Variants in PTPRD observed in about 807,000 individuals in gnomAD.
PTPRD encodes the protein receptor-type tyrosine-protein phosphatase delta.
Under a neutral mutation model 214.5 loss-of-function variants are expected in PTPRD, and 34 were observed. The observed-to-expected ratio is 0.16, with a 90% CI of 0.12 to 0.21. PTPRD has a LOEUF of 0.21. PTPRD is among the 10% of genes least tolerant of loss of function. PTPRD has a pLI of 1.00. For missense variants in PTPRD, 2,545 were observed against 2,398.7 expected, an observed-to-expected ratio of 1.06 and a Z score of -1.27; for synonymous variants, 1,128 against 845.7, an observed-to-expected ratio of 1.33 and a Z score of -5.79.
chr9:10,504,031 G>C (rs940785878), intron 2 of PTPRD, among the ~76,000 whole-genome samples: 11 of 144,650 alleles, frequency 7.6e-5, no homozygotes, highest in Admixed American at 5.9e-4. Context: ...CAGGAGAATG[G>C]CGTGAACCCG....
chr9:8,446,096 T>C (rs531904140), intron 34 of PTPRD, among the ~76,000 whole-genome samples: 97 of 152,306 alleles, frequency 6.4e-4, no homozygotes, highest in African/African-American at 2.2e-3. Flanking sequence ...ACAAGGATGG[T>C]TATACTGACA....
At chr9:9,700,600 C>T (rs1417122143) in intron 7 of PTPRD, among the ~76,000 whole-genome samples, 1 of 151,846 alleles carries the variant, frequency 6.6e-6, no homozygotes, top group Admixed American at 6.6e-5. Flanking sequence ...AATGATAAAG[C>T]AAATGAAAGA....
intron 7 of PTPRD, among the ~76,000 whole-genome samples, chr9:9,709,398 G>A (rs2097685440): frequency 6.6e-6 from 1 of 151,744 alleles, no homozygotes; most frequent in South Asian, 2.1e-4. Flanking sequence ...CTTTTGCTGT[G>A]GTAAAGACAT....
At chr9:9,204,380 A>G (rs1213637831) in intron 9 of PTPRD, among the ~76,000 whole-genome samples, 2 of 152,190 alleles carry the variant, frequency 1.3e-5, no homozygotes, top group African/African-American at 4.8e-5. Context: ...AATCAAGTTC[A>G]TAAATTAATG....
intron 11 of PTPRD, among the ~76,000 whole-genome samples, chr9:8,774,527 CTTTTTT>C (rs564318443): frequency 9.9e-4 from 104 of 105,214 alleles, no homozygotes; most frequent in South Asian, 1.7e-3. Context: ...TGAAAAGTAA[CTTTTTT>C]TTTTTTTTTT....
At chr9:10,531,698 T>C (rs2056393823) in intron 2 of PTPRD, among the ~76,000 whole-genome samples, 1 of 152,194 alleles carries the variant, frequency 6.6e-6, no homozygotes, top group Non-Finnish European at 1.5e-5. Context: ...TGTGTCTTTC[T>C]ACATGCCATG....
At chr9:9,953,408 A>G (rs1240922542) in intron 4 of PTPRD, among the ~76,000 whole-genome samples, 2 of 152,082 alleles carry the variant, frequency 1.3e-5, no homozygotes, top group South Asian at 2.1e-4. Flanking sequence ...TCAACACTAT[A>G]GAATTCAACC....
chr9:8,331,164 A>AATTAATATTGT (rs1390269860), intron 44 of PTPRD, among the ~76,000 whole-genome samples: 66 of 152,280 alleles, frequency 4.3e-4, no homozygotes, highest in African/African-American at 1.3e-3. Context: ...GACTGGCAGA[A>AATTAATATTGT]CTTAATATTG....
At position 9,944,318 on chromosome 9, in the gene PTPRD, C is replaced by G. The variant is rs189495457; in HGVS notation, c.-471-5708G>C. On this transcript the variant is annotated intron_variant, in intron 4 of 45. Transcript: ENST00000381196. ...GAGTAGTAAGGTATCCAGTGTGCAG[C>G]TGACAACTCGATACAACATTTATTC... Among the ~76,000 whole-genome samples the G allele has an allele frequency of 8.3e-4, 127 of 152,242 alleles. 1 individual carries two copies. The highest frequency in any genetic ancestry group is 2.8e-3 in the African/African-American group (118 of 41,546).
chr9:9,851,329 G>A (rs1450824664), intron 5 of PTPRD, among the ~76,000 whole-genome samples: 1 of 152,154 alleles, frequency 6.6e-6, no homozygotes, highest in Admixed American at 6.5e-5. Context: ...CTCTCGTCAG[G>A]CCAGCCTTGG....
chr9:9,234,458 T>C (rs2099965268), intron 9 of PTPRD, among the ~76,000 whole-genome samples: 1 of 152,218 alleles, frequency 6.6e-6, no homozygotes, highest in Non-Finnish European at 1.5e-5. Flanking sequence ...CCCCATTGTC[T>C]TGGTGATTAA....
intron 9 of PTPRD, among the ~76,000 whole-genome samples, chr9:9,290,770 G>A (rs1414349691): frequency 3.3e-5 from 5 of 151,446 alleles, no homozygotes; most frequent in Non-Finnish European, 7.4e-5. Context: ...AAACATGGGA[G>A]ATTCATTTGC....
chr9:9,596,933 T>C (rs1046621715), intron 7 of PTPRD, among the ~76,000 whole-genome samples: 1 of 152,016 alleles, frequency 6.6e-6, no homozygotes, highest in Admixed American at 6.6e-5. Context: ...AAATCTATTG[T>C]TTAGAAAGGA....
intron 10 of PTPRD, among the ~76,000 whole-genome samples, chr9:9,019,240 G>C (rs1355000839): frequency 6.9e-6 from 1 of 144,208 alleles, no homozygotes; most frequent in African/African-American, 2.6e-5. Context: ...GAATCTACCA[G>C]ACTATGATAA....
chr9:10,461,568 A>T (rs1458664469), intron 2 of PTPRD, among the ~76,000 whole-genome samples: 2 of 152,102 alleles, frequency 1.3e-5, no homozygotes, highest in Non-Finnish European at 2.9e-5. Flanking sequence ...TGCTGGATCA[A>T]ATAAGCCAGA....
intron 7 of PTPRD, among the ~76,000 whole-genome samples, chr9:9,690,121 G>T (rs887940639): frequency 1.3e-5 from 2 of 151,864 alleles, no homozygotes; most frequent in Admixed American, 6.6e-5. Flanking sequence ...TTGTATGGGG[G>T]TTCTCCTTTC....
intron 11 of PTPRD, among the ~76,000 whole-genome samples, chr9:8,823,565 C>T (rs138144568): frequency 5.3e-5 from 8 of 152,146 alleles, no homozygotes; most frequent in Non-Finnish European, 1.2e-4. Context: ...GCGGGAAGAT[C>T]ACCTGGGCCA....
chr9:10,609,490 T>C (rs558806178), intron 2 of PTPRD, among the ~76,000 whole-genome samples: 2 of 152,240 alleles, frequency 1.3e-5, no homozygotes, highest in South Asian at 2.1e-4. Context: ...AATTGTCATG[T>C]GCACTATTAG....
intron 11 of PTPRD, among the ~76,000 whole-genome samples, chr9:8,973,929 TG>T (rs1261681592): frequency 3.9e-5 from 6 of 152,054 alleles, no homozygotes; most frequent in Non-Finnish European, 8.8e-5. Context: ...CTTGTTTAAT[TG>T]TTTACATTTC....
Sources: allele counts gnomAD v4.1 joint callset (sites outside exome capture counted in the v4.1 genomes callset), GRCh38; gene constraint gnomAD v4.1.1; transcripts MANE v1.5; gene names NCBI Gene and HGNC (gene_info 2026-07-23, HGNC 2026-07-21).